Variants in DDX59 observed in about 807,000 individuals in gnomAD.
The protein encoded by DDX59 is DEAD-box helicase 59, also known as probable ATP-dependent RNA helicase DDX59.
Under a neutral mutation model 51.9 loss-of-function variants are expected in DDX59, and 30 were observed. The ratio of observed to expected loss-of-function variants is 0.58; its 90% CI spans 0.43 to 0.78. The LOEUF is 0.78. Ranked by LOEUF, DDX59 falls within the 30% of genes least tolerant of loss-of-function variation. The pLI is 0.00. For synonymous variants in DDX59, 255 were observed against 253.3 expected (o/e 1.01, Z -0.06); for missense variants, 672 against 730.8 (o/e 0.92, Z 0.93).
downstream of DDX59, chr1:200,643,937 G>A (rs1005231615): frequency 4.1e-5 from 9 of 221,184 alleles, no homozygotes; most frequent in Non-Finnish European, 3.8e-5. Flanking sequence ...GGGGAACCAA[G>A]TAAAACAATC....
chr1:200,650,213 A>G (rs1392373554), intron 5 of DDX59, among the ~76,000 whole-genome samples: 1 of 152,208 alleles, frequency 6.6e-6, no homozygotes, highest in Non-Finnish European at 1.5e-5. Flanking sequence ...TAATTCTATA[A>G]GGAAAAGAAA....
chr1:200,664,722 C>A (rs1486095665), intron 2 of DDX59, among the ~76,000 whole-genome samples: 1 of 151,712 alleles, frequency 6.6e-6, no homozygotes, highest in Non-Finnish European at 1.5e-5. Context: ...ATTGCCCAGG[C>A]TGGAGTGCAA....
intron 2 of DDX59, among the ~76,000 whole-genome samples, chr1:200,665,270 A>G (rs942220527): frequency 1.3e-5 from 2 of 152,156 alleles, no homozygotes; most frequent in African/African-American, 4.8e-5. Context: ...AGCCTGACCA[A>G]TAAGGAGAAA....
intron 1 of DDX59, 65 bp from the exon 2 acceptor site, chr1:200,666,816 T>C: frequency 1.3e-5 from 19 of 1,503,968 alleles, no homozygotes; most frequent in Non-Finnish European, 1.7e-5. Flanking sequence ...TAAAGTACCA[T>C]ATGATTAAGG....
At position 200,663,033 on chromosome 1, in the gene DDX59, G is replaced by A. The variant is rs747286609; in HGVS notation, c.972+886C>T. Among the ~76,000 whole-genome samples, 3 of 152,264 alleles carry A rather than the reference G, an allele frequency of 2.0e-5. No homozygotes were observed. In the East Asian group the frequency reaches 5.8e-4, roughly 29 times the overall value. ...GGCTTTAAATCTGTCAGATAAATCTGATTTGACCTTCAAAAGATTCCAACA... is the reference window on the plus strand; with the variant it reads ...GGCTTTAAATCTGTCAGATAAATCTAATTTGACCTTCAAAAGATTCCAACA... On this transcript the variant is annotated intron_variant, in intron 3 of 7. Coordinates refer to ENST00000331314, the MANE Select transcript of DDX59 (RefSeq NM_001031725.6).
intron 4 of DDX59, among the ~76,000 whole-genome samples, chr1:200,656,238 C>T (rs191061627): frequency 5.3e-5 from 8 of 152,266 alleles, no homozygotes; most frequent in African/African-American, 1.9e-4. Flanking sequence ...TTTATGGGAA[C>T]CCCGTCACAC....
At chr1:200,667,932 G>T (rs901504438) in intron 1 of DDX59, among the ~76,000 whole-genome samples, 2 of 151,882 alleles carry the variant, frequency 1.3e-5, no homozygotes, top group Admixed American at 1.3e-4. Context: ...ACATAACATA[G>T]CATAATGAAA....
chr1:200,663,686 A>C (rs530452469), intron 3 of DDX59, among the ~76,000 whole-genome samples: 2 of 152,186 alleles, frequency 1.3e-5, no homozygotes, highest in Non-Finnish European at 2.9e-5. Flanking sequence ...GAGATAATGC[A>C]TGTCAGAACA....
At chr1:200,644,612 C>T in intron 7 of DDX59, 95 bp from the exon 8 acceptor site, 1 of 1,430,932 alleles carries the variant, frequency 7.0e-7, no homozygotes, top group Non-Finnish European at 9.2e-7. Context: ...AGTAGCATTA[C>T]TGGCTGGGTG....
At chr1:200,651,949 A>G (rs1661689362) in intron 4 of DDX59, among the ~76,000 whole-genome samples, 1 of 148,342 alleles carries the variant, frequency 6.7e-6, no homozygotes, top group Non-Finnish European at 1.5e-5. Context: ...CGGAGCTTGC[A>G]GTGAGCCGAG....
At chr1:200,652,978 C>T (rs968804501) in intron 4 of DDX59, among the ~76,000 whole-genome samples, 3 of 152,334 alleles carry the variant, frequency 2.0e-5, no homozygotes, top group East Asian at 1.9e-4. Context: ...GGCCCCTGCA[C>T]CCAGACATCT....
chr1:200,644,133 A>G lies in DDX59; in HGVS notation c.*121T>C, dbSNP rs1661140715. The G allele has an allele frequency of 1.3e-6, 1 of 787,346 alleles. No homozygotes were observed. The highest frequency in any genetic ancestry group is 4.5e-5 in the Admixed American group (1 of 21,992). 48.8% of individuals were successfully genotyped at this position (787,346 alleles called of 1,614,324 possible). A position where few individuals can be genotyped will look rare whatever the true frequency, so the allele number is the denominator to read the frequency against. On this transcript the variant is annotated 3_prime_UTR_variant, in exon 8 of 8. Transcript: ENST00000331314. ...GAAATAAATACAATATAGTTATATA[A>G]ATTTTATTAAATTAAAAATATCTTA...
downstream of DDX59, among the ~76,000 whole-genome samples, chr1:200,641,698 A>AG (rs1661056120): frequency 6.7e-6 from 1 of 150,104 alleles, no homozygotes; most frequent in Admixed American, 6.6e-5. Flanking sequence ...GTGAAACCTC[A>AG]TTTCTACTAA....
intron 6 of DDX59, among the ~76,000 whole-genome samples, 171 bp from the exon 7 acceptor site, chr1:200,648,738 C>A (rs1661458516): frequency 6.6e-6 from 1 of 152,160 alleles, no homozygotes; most frequent in South Asian, 2.1e-4. Flanking sequence ...AAAATTCTCC[C>A]CAATCCCCAT....
At chr1:200,656,211 G>GT (rs1160530140) in intron 4 of DDX59, among the ~76,000 whole-genome samples, 1 of 152,078 alleles carries the variant, frequency 6.6e-6, no homozygotes, top group African/African-American at 2.4e-5. Flanking sequence ...ACCTTTACCT[G>GT]TTTTTGTAAA....
intron 2 of DDX59, among the ~76,000 whole-genome samples, chr1:200,664,901 T>C (rs1662617989): frequency 6.6e-6 from 1 of 152,164 alleles, no homozygotes; most frequent in African/African-American, 2.4e-5. Context: ...TCTTGAACTC[T>C]AGATCTCAGG....
At chr1:200,668,208 T>C (rs1662911998) in intron 1 of DDX59, among the ~76,000 whole-genome samples, 1 of 151,484 alleles carries the variant, frequency 6.6e-6, no homozygotes. Context: ...CTCGGGAGGC[T>C]GAGGCAGGAG....
At chr1:200,663,274 C>T (rs1662494004) in intron 3 of DDX59, among the ~76,000 whole-genome samples, 2 of 152,194 alleles carry the variant, frequency 1.3e-5, no homozygotes, top group Admixed American at 1.3e-4. Context: ...TGCACCAAAG[C>T]TGCAGTCTAT....
intron 3 of DDX59, among the ~76,000 whole-genome samples, 191 bp from the exon 4 acceptor site, chr1:200,659,307 G>A (rs1029042003): frequency 1.2e-4 from 18 of 152,172 alleles, no homozygotes; most frequent in African/African-American, 4.3e-4. Flanking sequence ...GATAAAACCA[G>A]AAAGTACTCA....
Sources: allele counts gnomAD v4.1 joint callset (sites outside exome capture counted in the v4.1 genomes callset), GRCh38; gene constraint gnomAD v4.1.1; transcripts MANE v1.5; gene names NCBI Gene and HGNC (gene_info 2026-07-23, HGNC 2026-07-21).